Variants in KCTD8 observed in about 807,000 individuals in gnomAD.
KCTD8 encodes the protein BTB/POZ domain-containing protein KCTD8.
KCTD8 carries 27 observed loss-of-function variants against 31.5 expected under a neutral mutation model. The observed-to-expected ratio is 0.86, with a 90% CI of 0.63 to 1.18. KCTD8 has a LOEUF of 1.18. Ranked by LOEUF, KCTD8 falls within the 50% of genes most tolerant of loss-of-function variation. The probability of loss-of-function intolerance (pLI) is 0.00; values close to 1 mark genes in which losing one functional copy is unlikely to be tolerated. For synonymous variants in KCTD8, 290 were observed against 280.0 expected (o/e 1.04, Z -0.36); for missense variants, 658 against 647.7 (o/e 1.02, Z -0.17).
At chr4:44,380,071 G>A (rs1434850110) in intron 1 of KCTD8, among the ~76,000 whole-genome samples, 2 of 151,950 alleles carry the variant, frequency 1.3e-5, no homozygotes, top group Non-Finnish European at 2.9e-5. Flanking sequence ...AGATATAGAT[G>A]TGTTTTTTTC....
In KCTD8 at chr4:44,311,809, G is replaced by A. The variant is rs111412250; in HGVS notation, c.961+135754C>T. ...TGGATCGAAAAAGCAGATTACTGCC[G>A]TTTTATTCCTCTTGGTTCCTTCATT... is the stretch of plus-strand genomic sequence containing the variant. On this transcript the variant is annotated intron_variant, in intron 1 of 1. Coordinates refer to ENST00000360029, the MANE Select transcript of KCTD8 (RefSeq NM_198353.3). Among the ~76,000 whole-genome samples the A allele has an allele frequency of 7.8e-3, 1,175 of 151,060 alleles. 15 individuals are homozygous for A. Among genetic ancestry groups the A allele is most frequent in the African/African-American group, 0.027 (1,092 of 41,108 alleles).
intron 1 of KCTD8, among the ~76,000 whole-genome samples, chr4:44,340,479 T>G (rs1230729219): frequency 6.6e-6 from 1 of 151,428 alleles, no homozygotes; most frequent in Non-Finnish European, 1.5e-5. Context: ...TTTTTTTTTT[T>G]TTGTATTTTT....
At chr4:44,347,560 C>A (rs1228998673) in intron 1 of KCTD8, among the ~76,000 whole-genome samples, 1 of 152,134 alleles carries the variant, frequency 6.6e-6, no homozygotes, top group East Asian at 1.9e-4. Flanking sequence ...TTGTTTAGTG[C>A]ACTATTCTTG....
At chr4:44,437,205 C>A (rs543769502) in intron 1 of KCTD8, among the ~76,000 whole-genome samples, 1 of 152,176 alleles carries the variant, frequency 6.6e-6, no homozygotes, top group Admixed American at 6.6e-5. Context: ...GTATACACTG[C>A]CCAATGTGCC....
chr4:44,303,837 T>C (rs1560420861), intron 1 of KCTD8, among the ~76,000 whole-genome samples: 1 of 152,070 alleles, frequency 6.6e-6, no homozygotes, highest in East Asian at 1.9e-4. Context: ...AAAAAACTCC[T>C]AATCGTTTTT....
chr4:44,448,400 A>C lies in KCTD8; in HGVS notation c.124T>G (p.Phe42Val). 6.3e-7 allele frequency: 1 copy of C among 1,579,354 alleles called. No homozygotes were observed. The highest frequency in any genetic ancestry group is 8.6e-7 in the Non-Finnish European group (1 of 1,167,332). Residue 42 changes from phenylalanine to valine, a missense_variant, in exon 1 of 2, where the codon TTC (phenylalanine) becomes GTC (valine). Phe to Val is a conservative substitution (Grantham distance 50). Transcript: ENST00000360029. The surrounding 1 kb of genome is among the most constrained non-coding windows in gnomAD (Gnocchi z 4.1). The stretch of plus-strand genomic sequence containing the variant: ...ACGTTCAGCTCCACTACTTCAGGGA[A>C]GGGCGAGGGTGCGCAGGGCCCCGGG... ...AAPGPCAPSP[F>V]PEVVELNVGG...
intron 1 of KCTD8, among the ~76,000 whole-genome samples, chr4:44,412,101 G>T (rs1008435641): frequency 6.6e-6 from 1 of 152,040 alleles, no homozygotes; most frequent in Admixed American, 6.6e-5. Context: ...AACTGGGCAG[G>T]GTAAATAATT....
chr4:44,242,565 G>A (rs552595598), intron 1 of KCTD8, among the ~76,000 whole-genome samples: 3 of 151,784 alleles, frequency 2.0e-5, no homozygotes, highest in Admixed American at 6.5e-5. Flanking sequence ...GCGAAAGGGC[G>A]GGATTCCGTC....
At chr4:44,426,112 AT>A (rs1260706845) in intron 1 of KCTD8, among the ~76,000 whole-genome samples, 2 of 151,878 alleles carry the variant, frequency 1.3e-5, no homozygotes. Flanking sequence ...AAGCTGAATA[AT>A]ACATGTCAAA....
At chr4:44,207,906 G>C (rs1217971343) in intron 1 of KCTD8, among the ~76,000 whole-genome samples, 2 of 152,172 alleles carry the variant, frequency 1.3e-5, no homozygotes, top group East Asian at 3.9e-4. Flanking sequence ...ATGGCTTGCT[G>C]CTGAGTTGCT....
intron 1 of KCTD8, among the ~76,000 whole-genome samples, chr4:44,233,561 G>C (rs1255604774): frequency 1.3e-5 from 2 of 152,074 alleles, no homozygotes; most frequent in Non-Finnish European, 2.9e-5. Flanking sequence ...TTGCCCCCAG[G>C]TTTAGATATG....
At chr4:44,265,122 G>C (rs1716304196) in intron 1 of KCTD8, among the ~76,000 whole-genome samples, 1 of 152,172 alleles carries the variant, frequency 6.6e-6, no homozygotes, top group African/African-American at 2.4e-5. Flanking sequence ...CCCCTGAGCA[G>C]ACTAACTAGG....
chr4:44,212,504 G>A (rs1714520855), intron 1 of KCTD8, among the ~76,000 whole-genome samples: 1 of 152,042 alleles, frequency 6.6e-6, no homozygotes, highest in African/African-American at 2.4e-5. Flanking sequence ...CACTGTATAT[G>A]TGCATTTTGG....
At chr4:44,412,928 C>T (rs980451426) in intron 1 of KCTD8, among the ~76,000 whole-genome samples, 1 of 152,138 alleles carries the variant, frequency 6.6e-6, no homozygotes, top group Non-Finnish European at 1.5e-5. Context: ...TTTCTCTTCT[C>T]TGAGCCCTTC....
rs1374577275 is a variant in KCTD8, at chr4:44,269,405, A to T, written c.962-94155T>A. Among the ~76,000 whole-genome samples, 3 of 151,820 alleles carry T rather than the reference A, an allele frequency of 2.0e-5. No individual in the cohort carries two copies. In the South Asian group the frequency reaches 6.2e-4, roughly 32 times the overall value. On this transcript the variant is annotated intron_variant, in intron 1 of 1. Transcript: ENST00000360029. Reference sequence around the variant, plus strand: ...AAAATTAATTCAAGATGGATTAAAGACTTAAATGTTAGACCTAAAACCATA... The same window carrying T: ...AAAATTAATTCAAGATGGATTAAAGTCTTAAATGTTAGACCTAAAACCATA...
intron 1 of KCTD8, among the ~76,000 whole-genome samples, chr4:44,333,509 TA>T (rs1718642060): frequency 1.3e-5 from 2 of 152,086 alleles, no homozygotes; most frequent in African/African-American, 4.8e-5. Flanking sequence ...GCTGGGTAGG[TA>T]TAACTAAGGT....
chr4:44,342,930 T>C (rs901411457), intron 1 of KCTD8, among the ~76,000 whole-genome samples: 5 of 152,220 alleles, frequency 3.3e-5, no homozygotes, highest in African/African-American at 4.8e-5. Flanking sequence ...ATAAGGGCCT[T>C]GCTCTGGATT....
chr4:44,400,748 A>C (rs1720629012), intron 1 of KCTD8, among the ~76,000 whole-genome samples: 1 of 151,570 alleles, frequency 6.6e-6, no homozygotes, highest in Non-Finnish European at 1.5e-5. Flanking sequence ...AAAAAAAAAA[A>C]ATTAGCACTT....
chr4:44,448,369 C>T lies in KCTD8; in HGVS notation c.155G>A (p.Gly52Asp), dbSNP rs141540654. The T allele has an allele frequency of 1.3e-6, 2 of 1,591,282 alleles. No homozygotes were observed. Among genetic ancestry groups the T allele is most frequent in the Non-Finnish European group, 1.7e-6 (2 of 1,169,790 alleles). The change falls in exon 1 of 2, where the codon GGC becomes GAC. Residue 52 changes from glycine (G) to aspartate (D), a missense_variant. By Grantham distance (94) the Gly-to-Asp change is moderately conservative. Coordinates refer to ENST00000360029, the MANE Select transcript of KCTD8 (RefSeq NM_198353.3). This position sits in a 1 kb window ranked among gnomAD's most constrained non-coding sequence, Gnocchi z 4.1. ...FPEVVELNVG[G>D]QVYVTKHSTL... ...CGAGTGCTTGGTCACATAAACCTGG[C>T]CGCCTACGTTCAGCTCCACTACTTC...
Sources: gnomAD v4.1 joint callset for allele counts (sites outside exome capture counted in the v4.1 genomes callset) on GRCh38, gnomAD v4.1.1 for gene constraint, Gnocchi (gnomAD v3.1) non-coding constraint, MANE v1.5 for transcripts, NCBI Gene and HGNC (gene_info 2026-07-23, HGNC 2026-07-21) for gene names.